The following CARMIL1 variants were observed in gnomAD, a reference collection of about 807,000 sequenced individuals.
The protein encoded by CARMIL1 is capping protein regulator and myosin 1 linker 1, also known as F-actin-uncapping protein LRRC16A.
Under a neutral mutation model 177.1 loss-of-function variants are expected in CARMIL1, and 90 were observed. The observed-to-expected ratio is 0.51, with a 90% CI of 0.43 to 0.61. The LOEUF is 0.61. Among genes scored for constraint, CARMIL1 ranks in the 20% least tolerant of loss-of-function variants. The probability of loss-of-function intolerance (pLI) is 0.00; values close to 1 mark genes in which losing one functional copy is unlikely to be tolerated. For synonymous variants in CARMIL1, 577 were observed against 606.2 expected (o/e 0.95, Z 0.71); for missense variants, 1,380 against 1,667.0 (o/e 0.83, Z 3.00).
intron 32 of CARMIL1, among the ~76,000 whole-genome samples, chr6:25,600,105 G>A (rs2151305496): frequency 6.6e-6 from 1 of 152,238 alleles, no homozygotes; most frequent in South Asian, 2.1e-4. Context: ...TTCTTAATGT[G>A]TGCGTGCCTC....
chr6:25,437,717 T>C (rs1432177027), intron 5 of CARMIL1, among the ~76,000 whole-genome samples: 3 of 152,228 alleles, frequency 2.0e-5, no homozygotes, highest in African/African-American at 7.2e-5. Context: ...ATTAATGGCA[T>C]TGTTGTTCAC....
chr6:25,423,616 C>T (rs974094754), intron 3 of CARMIL1, among the ~76,000 whole-genome samples: 1 of 152,162 alleles, frequency 6.6e-6, no homozygotes, highest in Admixed American at 6.5e-5. Flanking sequence ...GAAGCATAGA[C>T]TGCTGCCTGG....
chr6:25,522,003 A>C (rs1806617542), intron 23 of CARMIL1, among the ~76,000 whole-genome samples: 1 of 152,150 alleles, frequency 6.6e-6, no homozygotes, highest in Admixed American at 6.5e-5. Context: ...TGCTCAGATC[A>C]CAGTGTTACC....
chr6:25,348,517 C>T (rs116790746), intron 2 of CARMIL1, among the ~76,000 whole-genome samples: 8,527 of 151,998 alleles, frequency 0.056, 282 homozygotes, highest in Non-Finnish European at 0.088. Context: ...GGCGTGATGG[C>T]TCACGCCTGT....
chr6:25,404,951 A>G (rs558333166), intron 2 of CARMIL1, among the ~76,000 whole-genome samples: 9 of 152,332 alleles, frequency 5.9e-5, no homozygotes, highest in African/African-American at 1.9e-4. Context: ...GAGGAGGCAC[A>G]GCTGTGCAGA....
At chr6:25,397,061 T>C (rs2149227) in intron 2 of CARMIL1, among the ~76,000 whole-genome samples, 7,951 of 152,208 alleles carry the variant, frequency 0.052, 279 homozygotes, top group Non-Finnish European at 0.088. Flanking sequence ...CAAACACTTA[T>C]TGAGGGGGGA....
At chr6:25,467,705 A>T (rs1800742967) in intron 9 of CARMIL1, among the ~76,000 whole-genome samples, 1 of 152,176 alleles carries the variant, frequency 6.6e-6, no homozygotes, top group Non-Finnish European at 1.5e-5. Context: ...GTGTCCTGGG[A>T]TGGAAGGAAG....
intron 4 of CARMIL1, among the ~76,000 whole-genome samples, chr6:25,429,937 C>T (rs1796599032): frequency 6.6e-6 from 1 of 151,774 alleles, no homozygotes; most frequent in Non-Finnish European, 1.5e-5. Context: ...CCTCTGCCTC[C>T]CGGGTTCAAA....
At chr6:25,410,835 C>T (rs1480353414) in intron 2 of CARMIL1, among the ~76,000 whole-genome samples, 1 of 152,116 alleles carries the variant, frequency 6.6e-6, no homozygotes, top group East Asian at 1.9e-4. Context: ...AATTCTGTTG[C>T]TTGAAACTAA....
At chr6:25,362,701 C>T (rs745695727) in intron 2 of CARMIL1, among the ~76,000 whole-genome samples, 1 of 151,964 alleles carries the variant, frequency 6.6e-6, no homozygotes, top group Non-Finnish European at 1.5e-5. Context: ...AAAAAAACCA[C>T]TACACGAGCT....
rs140102556 is a variant in CARMIL1 at position 25,572,438 on chromosome 6, T to C, written c.2743-8486T>C. Among the ~76,000 whole-genome samples the C allele has an allele frequency of 1.3e-3, 205 of 152,204 alleles. 1 individual carries two copies. The highest frequency in any genetic ancestry group is 0.011 in the East Asian group (57 of 5,174). On this transcript the variant is annotated intron_variant, in intron 29 of 36. Coordinates refer to ENST00000329474, the MANE Select transcript of CARMIL1 (RefSeq NM_017640.6). ...GCTGGGTGCAGTGGCTCATGCCTCATGCCTGTAATCCCAGCACTTTAGGGG... is the reference window on the plus strand; with the variant it reads ...GCTGGGTGCAGTGGCTCATGCCTCACGCCTGTAATCCCAGCACTTTAGGGG...
chr6:25,572,939 G>C (rs1812237254), intron 29 of CARMIL1, among the ~76,000 whole-genome samples: 1 of 151,978 alleles, frequency 6.6e-6, no homozygotes, highest in Admixed American at 6.6e-5. Flanking sequence ...TTTTCTTTTT[G>C]AACAAGTCTA....
Position 25,281,575 on chromosome 6 carries a change from G to A in CARMIL1, c.40+1740G>A, listed in dbSNP as rs549025205. Reference sequence around the variant, plus strand: ...AAAAGTTGAGTTTGACCTTTATCTTGAAATGGAATTTTTGTTTTTATTAAG... The same window carrying A: ...AAAAGTTGAGTTTGACCTTTATCTTAAAATGGAATTTTTGTTTTTATTAAG... On this transcript the variant is annotated intron_variant, in intron 1 of 36. Transcript: ENST00000329474. Among the ~76,000 whole-genome samples, 17 of 152,278 alleles carry A rather than the reference G, an allele frequency of 1.1e-4. No individual in the cohort carries two copies. In the South Asian group the frequency reaches 3.3e-3, roughly 30 times the overall value.
intron 11 of CARMIL1, among the ~76,000 whole-genome samples, chr6:25,475,973 C>A (rs998408190): frequency 6.6e-6 from 1 of 152,300 alleles, no homozygotes. Flanking sequence ...CCTCTCATCC[C>A]CACCTTCTGG....
intron 8 of CARMIL1, among the ~76,000 whole-genome samples, chr6:25,459,210 T>TCTTCTTTCTTTCTTTCTTTCTTTCTTTC (rs1554200782): frequency 1.2e-5 from 1 of 80,136 alleles, no homozygotes; most frequent in African/African-American, 4.4e-5. Context: ...GATCCCAACT[T>TCTTCTTTCTTTCTTTCTTTCTTTCTTTC]TTTCTTTCTT....
At chr6:25,388,055 T>C (rs1792358253) in intron 2 of CARMIL1, 1 of 152,132 alleles carries the variant, frequency 6.6e-6, no homozygotes, top group Non-Finnish European at 1.5e-5. Flanking sequence ...TCCTCACTGT[T>C]TGAGGCCTCC....
intron 2 of CARMIL1, among the ~76,000 whole-genome samples, chr6:25,318,983 T>G (rs1167388253): frequency 6.6e-6 from 1 of 152,224 alleles, no homozygotes; most frequent in Non-Finnish European, 1.5e-5. Flanking sequence ...TGTGTTTTTC[T>G]GAGGCTGGGC....
At chr6:25,520,447 A>G in intron 23 of CARMIL1, 110 bp downstream of exon 23, 3 of 657,696 alleles carry the variant, frequency 4.6e-6, no homozygotes, top group Non-Finnish European at 7.7e-6. Context: ...TTTAAATTTT[A>G]TTTTATTTTT....
chr6:25,297,941 C>T (rs143119180), intron 2 of CARMIL1, among the ~76,000 whole-genome samples: 280 of 152,232 alleles, frequency 1.8e-3, no homozygotes, highest in Non-Finnish European at 2.7e-3. Flanking sequence ...TTACATTTTA[C>T]GCCTCCCATT....
Sources: allele counts gnomAD v4.1 joint callset (sites outside exome capture counted in the v4.1 genomes callset), GRCh38; gene constraint gnomAD v4.1.1; transcripts MANE v1.5; gene names NCBI Gene and HGNC (gene_info 2026-07-23, HGNC 2026-07-21).